The following CADPS variants were observed in gnomAD, a reference collection of about 807,000 sequenced individuals.
The protein encoded by CADPS is calcium-dependent secretion activator 1.
In CADPS, 57 loss-of-function variants were observed where a neutral mutation model predicts 167.3. The observed-to-expected ratio is 0.34, with a 90% confidence interval of 0.28 to 0.42. The LOEUF (loss-of-function observed/expected upper bound fraction) is 0.42. Ranked by LOEUF, CADPS falls within the 20% of genes least tolerant of loss-of-function variation. CADPS has a pLI of 1.00. For missense variants in CADPS, 1,414 were observed against 1,738.1 expected (o/e 0.81, Z 3.32); for synonymous variants, 676 against 635.3 (o/e 1.06, Z -0.96).
intron 24 of CADPS, chr3:62,473,673 A>G (rs1453471320): frequency 6.6e-6 from 1 of 152,184 alleles, no homozygotes; most frequent in African/African-American, 2.4e-5. Context: ...AGGAAAATTG[A>G]AAGTCTGCAA....
At chr3:62,820,795 G>GTTTT (rs5849504) in intron 1 of CADPS, among the ~76,000 whole-genome samples, 26 of 138,002 alleles carry the variant, frequency 1.9e-4, no homozygotes, top group African/African-American at 6.1e-4. Context: ...CTTTTTTTTG[G>GTTTT]TTTTTTTTTT....
chr3:62,823,960 G>A (rs980892886), intron 1 of CADPS, among the ~76,000 whole-genome samples: 1 of 152,032 alleles, frequency 6.6e-6, no homozygotes, highest in Admixed American at 6.6e-5. Context: ...CACGGCTCCT[G>A]CTCTGATCCT....
intron 10 of CADPS, among the ~76,000 whole-genome samples, chr3:62,553,899 C>T (rs1366939977): frequency 1.3e-5 from 2 of 152,158 alleles, no homozygotes; most frequent in East Asian, 3.9e-4. Context: ...CAAATGGGCT[C>T]TCCTTGGAGA....
At chr3:62,679,556 T>C (rs937606761) in intron 3 of CADPS, among the ~76,000 whole-genome samples, 1 of 151,972 alleles carries the variant, frequency 6.6e-6, no homozygotes, top group Admixed American at 6.6e-5. Context: ...ATGTCTCTCA[T>C]GAGAGCACCA....
At chr3:62,494,162 T>G (rs1455325231) in intron 18 of CADPS, among the ~76,000 whole-genome samples, 3 of 152,214 alleles carry the variant, frequency 2.0e-5, no homozygotes, top group African/African-American at 7.2e-5. Context: ...AATTGAATTT[T>G]CACAGATTCC....
At chr3:62,841,735 T>C (rs977567227) in intron 1 of CADPS, among the ~76,000 whole-genome samples, 2 of 152,254 alleles carry the variant, frequency 1.3e-5, no homozygotes, top group African/African-American at 4.8e-5. Flanking sequence ...GGGAATAAGA[T>C]GGAAAATCCT....
chr3:62,444,116 A>G (rs368702755), intron 27 of CADPS, among the ~76,000 whole-genome samples: 4 of 152,206 alleles, frequency 2.6e-5, no homozygotes, highest in African/African-American at 9.6e-5. Flanking sequence ...CCTTGTCTAC[A>G]GGCCACCTGT....
In CADPS at chr3:62,421,756, C is replaced by T. The variant is rs962744734; in HGVS notation, c.3777+16348G>A. ...AATATTGTGTGTGAGGCTGGAGACGCATTTGGAGTTCTTTCCTAGGGATGG... is the reference window on the plus strand; with the variant it reads ...AATATTGTGTGTGAGGCTGGAGACGTATTTGGAGTTCTTTCCTAGGGATGG... On this transcript the variant is annotated intron_variant, in intron 28 of 29. Transcript: ENST00000383710. The surrounding 1 kb of genome is among the most constrained non-coding windows in gnomAD (Gnocchi z 4.7). Among the ~76,000 whole-genome samples, 1 of 152,110 alleles carries T rather than the reference C, an allele frequency of 6.6e-6. No homozygotes were observed. Among genetic ancestry groups the T allele is most frequent in the African/African-American group, 2.4e-5 (1 of 41,422 alleles).
chr3:62,618,101 T>C (rs565725021), intron 6 of CADPS, among the ~76,000 whole-genome samples: 17 of 152,148 alleles, frequency 1.1e-4, no homozygotes, highest in African/African-American at 3.4e-4. Context: ...AGCCACAAAA[T>C]TTAGGCTGAA....
At chr3:62,806,285 G>C (rs759922706) in intron 1 of CADPS, among the ~76,000 whole-genome samples, 1 of 150,620 alleles carries the variant, frequency 6.6e-6, no homozygotes, top group Non-Finnish European at 1.5e-5. Flanking sequence ...AGTAGCAATA[G>C]TAAAGACTTT....
chr3:62,605,088 C>A (rs1266415841), intron 6 of CADPS, among the ~76,000 whole-genome samples: 1 of 152,166 alleles, frequency 6.6e-6, no homozygotes, highest in Non-Finnish European at 1.5e-5. Flanking sequence ...CTTAAGACAC[C>A]TTACAGGCTC....
chr3:62,852,610 A>C (rs955200307), intron 1 of CADPS, among the ~76,000 whole-genome samples: 3 of 152,036 alleles, frequency 2.0e-5, no homozygotes, highest in Admixed American at 2.0e-4. Flanking sequence ...AAAAGAAAAA[A>C]AAAAAAGCTG....
intron 3 of CADPS, among the ~76,000 whole-genome samples, chr3:62,697,147 C>T (rs922748741): frequency 1.3e-5 from 2 of 151,966 alleles, no homozygotes; most frequent in Admixed American, 6.6e-5. Context: ...TTGGGGAACA[C>T]GTGGTGTTTG....
intron 1 of CADPS, among the ~76,000 whole-genome samples, chr3:62,775,940 T>C (rs1355846540): frequency 2.0e-5 from 3 of 152,198 alleles, no homozygotes; most frequent in African/African-American, 7.2e-5. Flanking sequence ...ACAGATATAA[T>C]GATTACTAGT....
intron 1 of CADPS, among the ~76,000 whole-genome samples, chr3:62,829,407 G>T (rs537319938): frequency 1.3e-5 from 2 of 152,226 alleles, no homozygotes; most frequent in South Asian, 2.1e-4. Flanking sequence ...TTATATAAGA[G>T]ACTTGAGCAT....
chr3:62,691,889 G>A (rs6777843), intron 3 of CADPS, among the ~76,000 whole-genome samples: 27,643 of 151,692 alleles, frequency 0.18, 3,311 homozygotes, highest in African/African-American at 0.34. Flanking sequence ...ATTTACCTGT[G>A]GAACAAACCT....
At chr3:62,794,166 C>T (rs1190960016) in intron 1 of CADPS, among the ~76,000 whole-genome samples, 1 of 152,154 alleles carries the variant, frequency 6.6e-6, no homozygotes, top group Non-Finnish European at 1.5e-5. Context: ...GTTCAGTTCC[C>T]AGCTCTGCCA....
chr3:62,872,995 T>C (rs2082906092), intron 1 of CADPS, among the ~76,000 whole-genome samples: 1 of 152,178 alleles, frequency 6.6e-6, no homozygotes, highest in African/African-American at 2.4e-5. Flanking sequence ...GGACTCAACA[T>C]CCAGCCTTAA....
At chr3:62,729,023 T>C (rs2077255176) in intron 3 of CADPS, among the ~76,000 whole-genome samples, 1 of 151,926 alleles carries the variant, frequency 6.6e-6, no homozygotes, top group South Asian at 2.1e-4. Context: ...TGCACACTTA[T>C]ACTAATACCT....
Sources: allele counts gnomAD v4.1 joint callset (sites outside exome capture counted in the v4.1 genomes callset), GRCh38; gene constraint gnomAD v4.1.1; non-coding constraint Gnocchi (gnomAD v3.1); transcripts MANE v1.5; gene names NCBI Gene and HGNC (gene_info 2026-07-23, HGNC 2026-07-21).